The following ARHGAP22 variants were observed in gnomAD, a reference collection of about 807,000 sequenced individuals.
The protein encoded by ARHGAP22 is Rho GTPase activating protein 22, also known as rho GTPase-activating protein 22.
Under a neutral mutation model 59.1 loss-of-function variants are expected in ARHGAP22, and 48 were observed. That is an observed-to-expected ratio of 0.81 (90% CI 0.64 to 1.03). The LOEUF is 1.03. Ranked by LOEUF, ARHGAP22 falls within the 50% of genes least tolerant of loss-of-function variation. ARHGAP22 has a pLI of 0.00. For synonymous variants in ARHGAP22, 445 were observed against 416.4 expected (o/e 1.07, Z -0.84); for missense variants, 1,015 against 958.7 (o/e 1.06, Z -0.78).
intron 1 of ARHGAP22, among the ~76,000 whole-genome samples, chr10:48,594,653 C>A (rs2059957857): frequency 1.3e-5 from 2 of 152,154 alleles, no homozygotes; most frequent in South Asian, 4.1e-4. Flanking sequence ...CGGCCTTGGG[C>A]TACTGGAGCC....
At chr10:48,556,948 G>A (rs1388415034) in intron 2 of ARHGAP22, among the ~76,000 whole-genome samples, 1 of 152,170 alleles carries the variant, frequency 6.6e-6, no homozygotes, top group Non-Finnish European at 1.5e-5. Flanking sequence ...AGGGTGATGG[G>A]AGCCTCCCAT....
intron 3 of ARHGAP22, among the ~76,000 whole-genome samples, chr10:48,505,955 C>T (rs758595896): frequency 1.3e-5 from 2 of 152,238 alleles, no homozygotes; most frequent in Non-Finnish European, 2.9e-5. Flanking sequence ...TGGCTAGTCA[C>T]GCAGACATTT....
intron 1 of ARHGAP22, among the ~76,000 whole-genome samples, chr10:48,646,949 T>G (rs766436371): frequency 6.6e-6 from 1 of 152,162 alleles, no homozygotes; most frequent in East Asian, 1.9e-4. Context: ...AAATTAAAAG[T>G]CAAGCCACAG....
intron 3 of ARHGAP22, among the ~76,000 whole-genome samples, chr10:48,537,595 G>A (rs1167636079): frequency 1.3e-5 from 2 of 152,156 alleles, no homozygotes; most frequent in Non-Finnish European, 2.9e-5. Context: ...GTCTGCCAAG[G>A]GCCTGCAAAG....
intron 2 of ARHGAP22, among the ~76,000 whole-genome samples, chr10:48,567,328 C>T (rs1814478): frequency 0.39 from 59,066 of 152,124 alleles, 12,904 homozygotes; most frequent in East Asian, 0.89. Context: ...CTAATGCCTG[C>T]GACCATGCTC....
chr10:48,635,049 G>A (rs934112615), intron 1 of ARHGAP22, among the ~76,000 whole-genome samples: 1 of 152,096 alleles, frequency 6.6e-6, no homozygotes, highest in African/African-American at 2.4e-5. Flanking sequence ...TGGGGCCCGA[G>A]GTGCTTTGTC....
chr10:48,478,863 G>A (rs1234748207), intron 4 of ARHGAP22, among the ~76,000 whole-genome samples: 1 of 152,190 alleles, frequency 6.6e-6, no homozygotes, highest in Non-Finnish European at 1.5e-5. Context: ...CTCCTGGCCT[G>A]CTGTGTCTAC....
At chr10:48,530,236 C>CAAA (rs60902650) in intron 3 of ARHGAP22, among the ~76,000 whole-genome samples, 1,191 of 49,044 alleles carry the variant, frequency 0.024, 83 homozygotes, top group Non-Finnish European at 0.038. Context: ...GACTCCATTG[C>CAAA]AAAAAAAAAA....
upstream of ARHGAP22, among the ~76,000 whole-genome samples, chr10:48,655,180 C>G (rs1048823796): frequency 7.1e-6 from 1 of 141,518 alleles, no homozygotes; most frequent in Non-Finnish European, 1.5e-5. Context: ...CGAACTGGCC[C>G]GTGTGTGCCC....
intron 3 of ARHGAP22, among the ~76,000 whole-genome samples, chr10:48,502,601 T>A (rs2051640793): frequency 6.6e-6 from 1 of 152,186 alleles, no homozygotes; most frequent in Admixed American, 6.5e-5. Flanking sequence ...ACATTCTTCA[T>A]GCCTCCAGGT....
At chr10:48,545,382 C>A (rs2135177422) in intron 3 of ARHGAP22, among the ~76,000 whole-genome samples, 1 of 152,316 alleles carries the variant, frequency 6.6e-6, no homozygotes, top group East Asian at 1.9e-4. Context: ...AGAAGTGAGG[C>A]TAAGACAGGA....
rs2045861221 is a variant in ARHGAP22 at position 48,450,844 on chromosome 10, T to G, written c.1285A>C (p.Lys429Gln). Residue 429 changes from lysine to glutamine, a missense_variant, in exon 9 of 10, where the codon AAG becomes CAG. Transcript: ENST00000249601. Reference sequence around the variant, plus strand: ...GACCTCGGCTGCCGGAAGGAGGACTTCCAACTGGGCAGGGTCTGCACCTTC... The same window carrying G: ...GACCTCGGCTGCCGGAAGGAGGACTGCCAACTGGGCAGGGTCTGCACCTTC... ...GKKVQTLPSW[K>Q]SSFRQPRSLS... 6.3e-7 allele frequency: 1 copy of G among 1,590,240 alleles called. No individual in the cohort carries two copies. The highest frequency in any genetic ancestry group is 8.6e-7 in the Non-Finnish European group (1 of 1,168,948).
chr10:48,485,675 T>C (rs1203431687), intron 3 of ARHGAP22, among the ~76,000 whole-genome samples: 1 of 152,234 alleles, frequency 6.6e-6, no homozygotes, highest in East Asian at 1.9e-4. Flanking sequence ...AGTTTGAAGC[T>C]GTTATGGAGC....
chr10:48,569,350 G>A (rs2058257167), intron 2 of ARHGAP22, among the ~76,000 whole-genome samples: 2 of 152,162 alleles, frequency 1.3e-5, no homozygotes, highest in East Asian at 3.8e-4. Flanking sequence ...AGTCCATTTG[G>A]GAAATGTACC....
chr10:48,612,883 T>A (rs2060947226), intron 1 of ARHGAP22, among the ~76,000 whole-genome samples: 1 of 152,142 alleles, frequency 6.6e-6, no homozygotes, highest in Non-Finnish European at 1.5e-5. Flanking sequence ...TCCTTCCCTA[T>A]CTCCCCAGTT....
chr10:48,464,605 A>G (rs1564701864), intron 4 of ARHGAP22, among the ~76,000 whole-genome samples: 1 of 152,196 alleles, frequency 6.6e-6, no homozygotes, highest in Non-Finnish European at 1.5e-5. Flanking sequence ...CTGCCCTGGC[A>G]TGGTGGGGCT....
At chr10:48,451,661 CT>C in intron 8 of ARHGAP22, 1 of 641,390 alleles carries the variant, frequency 1.6e-6, no homozygotes, top group South Asian at 1.7e-5. Context: ...CGCCCACCCC[CT>C]AAAATACCCC....
chr10:48,610,710 C>T (rs1349575218), intron 1 of ARHGAP22, among the ~76,000 whole-genome samples: 1 of 152,176 alleles, frequency 6.6e-6, no homozygotes, highest in Non-Finnish European at 1.5e-5. Flanking sequence ...CACTGCATAC[C>T]TGACAGTATT....
At chr10:48,439,805 C>A in the ARHGAP22 span, among the ~76,000 whole-genome samples, 1 of 152,204 alleles carries the variant, frequency 6.6e-6, no homozygotes, top group African/African-American at 2.4e-5. Flanking sequence ...GCAGTACCTT[C>A]CCAGCCACTG....
Sources: allele counts gnomAD v4.1 joint callset (sites outside exome capture counted in the v4.1 genomes callset), GRCh38; gene constraint gnomAD v4.1.1; transcripts MANE v1.5; gene names NCBI Gene and HGNC (gene_info 2026-07-23, HGNC 2026-07-21).